The following PRKG1 variants were observed in gnomAD, a reference collection of about 807,000 sequenced individuals.
PRKG1 encodes cGMP-dependent protein kinase 1.
In PRKG1, 35 loss-of-function variants were observed where a neutral mutation model predicts 88.1. That is an observed-to-expected ratio of 0.40 (90% CI 0.30 to 0.53). The LOEUF (loss-of-function observed/expected upper bound fraction) is 0.53. PRKG1 is among the 20% of genes least tolerant of loss of function. PRKG1 has a pLI of 0.59. For synonymous variants in PRKG1, 303 were observed against 292.5 expected, an observed-to-expected ratio of 1.04 and a Z score of -0.37; for missense variants, 540 against 839.8, an observed-to-expected ratio of 0.64 and a Z score of 4.41.
At chr10:51,183,536 A>G (rs745486597) in intron 2 of PRKG1, among the ~76,000 whole-genome samples, 1 of 121,006 alleles carries the variant, frequency 8.3e-6, no homozygotes, top group Non-Finnish European at 1.7e-5. Flanking sequence ...TGAGAACCCT[A>G]TGGGATATGT....
intron 9 of PRKG1, among the ~76,000 whole-genome samples, chr10:52,246,248 T>A (rs914212865): frequency 6.6e-5 from 10 of 152,152 alleles, no homozygotes; most frequent in Non-Finnish European, 1.3e-4. Context: ...TCTTATTCCT[T>A]GGTTTTGTAG....
intron 4 of PRKG1, among the ~76,000 whole-genome samples, chr10:51,853,822 A>G (rs1412331443): frequency 6.6e-6 from 1 of 152,116 alleles, no homozygotes; most frequent in African/African-American, 2.4e-5. Flanking sequence ...TGTACTAAAC[A>G]CTTTTCCACA....
At chr10:51,898,521 ACAAT>A in intron 4 of PRKG1, among the ~76,000 whole-genome samples, 2 of 152,140 alleles carry the variant, frequency 1.3e-5, no homozygotes, top group African/African-American at 2.4e-5. Flanking sequence ...TAATTAAACA[ACAAT>A]TTTTTTCCAA....
chr10:51,427,050 A>C (rs1049416238), intron 2 of PRKG1, among the ~76,000 whole-genome samples: 1 of 152,222 alleles, frequency 6.6e-6, no homozygotes, highest in African/African-American at 2.4e-5. Flanking sequence ...TATTGCCTGC[A>C]TAGTCAGGTC....
intron 5 of PRKG1, among the ~76,000 whole-genome samples, chr10:52,050,809 C>G (rs1845971238): frequency 6.6e-6 from 1 of 152,156 alleles, no homozygotes; most frequent in South Asian, 2.1e-4. Context: ...ATTAAATAGA[C>G]TAGACTATAT....
intron 5 of PRKG1, among the ~76,000 whole-genome samples, chr10:51,959,102 C>T (rs936298809): frequency 2.0e-4 from 31 of 152,106 alleles, no homozygotes; most frequent in African/African-American, 6.5e-4. Flanking sequence ...AGCTGGAATT[C>T]AAAACCAGAC....
intron 14 of PRKG1, among the ~76,000 whole-genome samples, chr10:52,287,346 G>A (rs1842139486): frequency 6.6e-6 from 1 of 151,990 alleles, no homozygotes; most frequent in Admixed American, 6.6e-5. Flanking sequence ...ACATATTAAA[G>A]TAAATAGAAA....
rs553349465 is a variant in PRKG1 at position 51,975,435 on chromosome 10, G to A, written c.762+67865G>A. Among the ~76,000 whole-genome samples, 19 of 152,004 alleles carry A rather than the reference G, an allele frequency of 1.2e-4. No homozygotes were observed. In the East Asian group the frequency reaches 3.5e-3, roughly 28 times the overall value. The stretch of plus-strand genomic sequence containing the variant: ...CAATCAGAAAGCAGTAATCAAAACT[G>A]TTGTGGAAAATAAAAAAAAAATGAG... On this transcript the variant is annotated intron_variant, in intron 5 of 17. Transcript: ENST00000373980.
At chr10:51,838,262 G>A (rs1179689387) in intron 4 of PRKG1, among the ~76,000 whole-genome samples, 2 of 152,068 alleles carry the variant, frequency 1.3e-5, no homozygotes, top group Non-Finnish European at 2.9e-5. Context: ...GATTTTCTCT[G>A]GTTTTCAATC....
chr10:52,129,233 A>G (rs1397472272), intron 7 of PRKG1, among the ~76,000 whole-genome samples: 1 of 152,190 alleles, frequency 6.6e-6, no homozygotes, highest in East Asian at 1.9e-4. Flanking sequence ...TGATAAAAAT[A>G]CATTTAATAA....
At chr10:51,066,308 T>A (rs1364055257) in intron 1 of PRKG1, among the ~76,000 whole-genome samples, 1 of 152,160 alleles carries the variant, frequency 6.6e-6, no homozygotes, top group African/African-American at 2.4e-5. Context: ...AAATTGATTA[T>A]GGATCAAATG....
At chr10:51,482,519 C>A (rs1356154904) in intron 3 of PRKG1, among the ~76,000 whole-genome samples, 1 of 152,164 alleles carries the variant, frequency 6.6e-6, no homozygotes, top group Non-Finnish European at 1.5e-5. Flanking sequence ...CTAGGACTTT[C>A]CCTTTCCCTT....
At chr10:51,921,809 C>T (rs1192641300) in intron 5 of PRKG1, among the ~76,000 whole-genome samples, 1 of 152,014 alleles carries the variant, frequency 6.6e-6, no homozygotes, top group Non-Finnish European at 1.5e-5. Context: ...TTAGATTTGA[C>T]TTGATAATAC....
At chr10:51,374,448 C>T (rs940697950) in intron 2 of PRKG1, among the ~76,000 whole-genome samples, 8 of 152,106 alleles carry the variant, frequency 5.3e-5, no homozygotes, top group African/African-American at 1.4e-4. Flanking sequence ...GCAGAGTTAA[C>T]GCAGGTGTTT....
chr10:51,853,973 A>C (rs1840619532), intron 4 of PRKG1, among the ~76,000 whole-genome samples: 1 of 152,100 alleles, frequency 6.6e-6, no homozygotes, highest in Non-Finnish European at 1.5e-5. Flanking sequence ...CAGACTTGCA[A>C]AATTGTTTTC....
At chr10:52,019,304 A>G (rs2133187844) in intron 5 of PRKG1, among the ~76,000 whole-genome samples, 1 of 152,316 alleles carries the variant, frequency 6.6e-6, no homozygotes, top group Middle Eastern at 3.4e-3. Flanking sequence ...CATCCAAACT[A>G]TAGCAGGATC....
intron 2 of PRKG1, among the ~76,000 whole-genome samples, chr10:51,264,484 T>A (rs1034679051): frequency 6.6e-6 from 1 of 152,306 alleles, no homozygotes; most frequent in East Asian, 1.9e-4. Context: ...GGAAGTACAA[T>A]GTGAAAAATA....
chr10:51,698,602 G>A (rs536668913), intron 3 of PRKG1: 47 of 1,613,806 alleles, frequency 2.9e-5, no homozygotes, highest in African/African-American at 2.7e-4. Context: ...TCACGGGTCC[G>A]CGAGGTATAG....
At chr10:52,271,998 T>C (rs1841741361) in intron 11 of PRKG1, among the ~76,000 whole-genome samples, 1 of 152,038 alleles carries the variant, frequency 6.6e-6, no homozygotes, top group Admixed American at 6.6e-5. Context: ...TTTGAGCGAA[T>C]AGCATATGAA....
Sources: allele counts gnomAD v4.1 joint callset (sites outside exome capture counted in the v4.1 genomes callset), GRCh38; gene constraint gnomAD v4.1.1; transcripts MANE v1.5; gene names NCBI Gene and HGNC (gene_info 2026-07-23, HGNC 2026-07-21).